ABTB3: variants seen among roughly 807,000 people sequenced by gnomAD.
ABTB3 encodes the protein ankyrin repeat and BTB domain containing 3, also known as ankyrin repeat- and BTB/POZ domain-containing protein 3.
chr12:107,425,107 G>A, the ABTB3 span, among the ~76,000 whole-genome samples: 1 of 152,146 alleles, frequency 6.6e-6, no homozygotes, highest in African/African-American at 2.4e-5. Context: ...CTCCTTAGCA[G>A]ACCAGGCCCT....
chr12:107,445,234 C>T, the ABTB3 span, among the ~76,000 whole-genome samples: 6,675 of 152,214 alleles, frequency 0.044, 477 homozygotes, highest in African/African-American at 0.15. Context: ...ACCTCCATCC[C>T]AAGGCACTAA....
chr12:107,425,718 A>G, the ABTB3 span, among the ~76,000 whole-genome samples: 1 of 152,090 alleles, frequency 6.6e-6, no homozygotes, highest in Non-Finnish European at 1.5e-5. Context: ...CCAGAACTTC[A>G]CTACACTCAT....
At chr12:107,655,256 A>AATATATATATATATATATATATATAT in the ABTB3 span, among the ~76,000 whole-genome samples, 3 of 148,764 alleles carry the variant, frequency 2.0e-5, no homozygotes, top group Admixed American at 6.7e-5. Context: ...GCCTCTTTCA[A>AATATATATATATATATATATATATAT]ATATATATAT....
the ABTB3 span, among the ~76,000 whole-genome samples, chr12:107,397,859 A>T: frequency 6.6e-6 from 1 of 152,174 alleles, no homozygotes; most frequent in Non-Finnish European, 1.5e-5. Flanking sequence ...TTGTTTGAGT[A>T]GCCCATCGTT....
At chr12:107,361,359 T>C in the ABTB3 span, among the ~76,000 whole-genome samples, 7 of 152,194 alleles carry the variant, frequency 4.6e-5, no homozygotes, top group Non-Finnish European at 8.8e-5. Flanking sequence ...AGATTATGAG[T>C]GTCCTTACGT....
chr12:107,498,713 C>A, the ABTB3 span, among the ~76,000 whole-genome samples: 1 of 151,368 alleles, frequency 6.6e-6, no homozygotes, highest in African/African-American at 2.4e-5. Context: ...AACATTGGGC[C>A]CACCTAGAAA....
At chr12:107,370,387 A>G in the ABTB3 span, among the ~76,000 whole-genome samples, 1 of 152,204 alleles carries the variant, frequency 6.6e-6, no homozygotes, top group East Asian at 1.9e-4. Flanking sequence ...CTTCTTCCAA[A>G]GTCAGCCAAT....
At chr12:107,462,597 G>T in the ABTB3 span, among the ~76,000 whole-genome samples, 20 of 152,128 alleles carry the variant, frequency 1.3e-4, no homozygotes, top group South Asian at 3.7e-3. Context: ...GATTATGGTG[G>T]TAGTGACAGT....
At chr12:107,483,856 T>A in the ABTB3 span, among the ~76,000 whole-genome samples, 3 of 152,132 alleles carry the variant, frequency 2.0e-5, no homozygotes, top group Admixed American at 2.0e-4. Context: ...TTGGCTAATT[T>A]TTTTAAAAAA....
At chr12:107,574,301 C>T in the ABTB3 span, among the ~76,000 whole-genome samples, 1 of 152,220 alleles carries the variant, frequency 6.6e-6, no homozygotes, top group Non-Finnish European at 1.5e-5. Context: ...TCCTCCCCAA[C>T]TTAAACACAA....
chr12:107,641,196 C>T, the ABTB3 span, among the ~76,000 whole-genome samples: 3 of 152,188 alleles, frequency 2.0e-5, no homozygotes, highest in Admixed American at 6.5e-5. Context: ...CCACCAAAAC[C>T]AAACACAAAC....
chr12:107,454,687 C>G, the ABTB3 span, among the ~76,000 whole-genome samples: 185 of 152,266 alleles, frequency 1.2e-3, 1 homozygote, highest in African/African-American at 4.2e-3. Flanking sequence ...GGGTGGGGTC[C>G]TTCCTGGGCA....
chr12:107,363,784 T>C, the ABTB3 span, among the ~76,000 whole-genome samples: 9 of 152,180 alleles, frequency 5.9e-5, no homozygotes, highest in Non-Finnish European at 1.3e-4. Flanking sequence ...TACTAAGAAA[T>C]TGGAAGACCT....
At chr12:107,580,708 A>G in the ABTB3 span, 2 of 946,082 alleles carry the variant, frequency 2.1e-6, no homozygotes, top group Admixed American at 6.0e-5. Flanking sequence ...GTGCTAGCGG[A>G]CACCTTAGGC....
chr12:107,331,357 A>G, the ABTB3 span, among the ~76,000 whole-genome samples: 1 of 152,260 alleles, frequency 6.6e-6, no homozygotes, highest in Admixed American at 6.5e-5. Flanking sequence ...ACTCACAGAT[A>G]GTCACACAGA....
the ABTB3 span, among the ~76,000 whole-genome samples, chr12:107,432,445 A>G: frequency 2.6e-5 from 4 of 152,196 alleles, no homozygotes; most frequent in African/African-American, 9.7e-5. Context: ...TACCTTAGGG[A>G]TGCCCTGGCT....
At chr12:107,452,656 A>G in the ABTB3 span, among the ~76,000 whole-genome samples, 1 of 152,154 alleles carries the variant, frequency 6.6e-6, no homozygotes, top group Non-Finnish European at 1.5e-5. Flanking sequence ...CCTGGCCAAC[A>G]TGATGAAACC....
the ABTB3 span, chr12:107,581,008 G>T: frequency 6.4e-7 from 1 of 1,552,258 alleles, no homozygotes; most frequent in Non-Finnish European, 8.7e-7. Flanking sequence ...GAATTCAGAG[G>T]CAGGGTCTCC....
the ABTB3 span, among the ~76,000 whole-genome samples, chr12:107,377,791 G>A: frequency 6.6e-6 from 1 of 152,196 alleles, no homozygotes; most frequent in African/African-American, 2.4e-5. Context: ...GGAAGACCTT[G>A]TTTTGGGAAG....
Sources: allele counts gnomAD v4.1 joint callset (sites outside exome capture counted in the v4.1 genomes callset), GRCh38; gene constraint gnomAD v4.1.1; transcripts MANE v1.5; gene names NCBI Gene and HGNC (gene_info 2026-07-23, HGNC 2026-07-21).